Variants in MYO5C observed in about 807,000 individuals in gnomAD.
MYO5C encodes the protein unconventional myosin-Vc.
A neutral mutation model predicts 235.7 loss-of-function variants in MYO5C; 194 were observed. That is an observed-to-expected ratio of 0.82 (90% CI 0.73 to 0.93). The LOEUF (loss-of-function observed/expected upper bound fraction) is 0.93, where lower values mean the gene tolerates loss of function less well. Among genes scored for constraint, MYO5C ranks in the 40% least tolerant of loss-of-function variants. The probability of loss-of-function intolerance (pLI) is 0.00; values close to 1 mark genes in which losing one functional copy is unlikely to be tolerated. For synonymous variants in MYO5C, 707 were observed against 754.8 expected (o/e 0.94, Z 1.04); for missense variants, 2,038 against 2,127.2 (o/e 0.96, Z 0.82).
chr15:52,193,962 A>G lies in MYO5C; in HGVS notation c.5169T>C (p.His1723=), dbSNP rs2141250775. The stretch of plus-strand genomic sequence containing the variant: ...TGGGGATCTGAATCATTTCCAGAGC[A>G]TGTGGAGAGGGGGTAAAAGGAAATG... ...QVTFPFTPSP[H]ALEMIQIPSS... Residue 1723 remains histidine, a synonymous_variant, in exon 41 of 41, where the codon CAT becomes CAC. Transcript: ENST00000261839. 6.2e-7 allele frequency: 1 copy of G among 1,613,908 alleles called. No individual in the cohort carries two copies. Among genetic ancestry groups the G allele is most frequent in the South Asian group, 1.1e-5 (1 of 90,974 alleles).
intron 3 of MYO5C, 86 bp from the exon 4 acceptor site, chr15:52,279,103 G>C (rs1323327927): frequency 1.4e-6 from 2 of 1,396,422 alleles, no homozygotes; most frequent in Non-Finnish European, 2.0e-6. Context: ...CCCCAGCTCT[G>C]TCGCTTATTA....
At chr15:52,220,487 G>A (rs551180890) in intron 30 of MYO5C, among the ~76,000 whole-genome samples, 2 of 152,092 alleles carry the variant, frequency 1.3e-5, no homozygotes, top group South Asian at 4.2e-4. Context: ...CACATAGCTG[G>A]GACTACAGGC....
chr15:52,287,698 C>G lies in MYO5C; in HGVS notation c.28-4806G>C, dbSNP rs138382500. ...GCCTACTTCAAAAGGAAGTTCTGGC[C>G]AGGCGCGGTGGCTCACGTGTGTAAT... On this transcript the variant is annotated intron_variant, in intron 1 of 40. Transcript: ENST00000261839. Among the ~76,000 whole-genome samples, 311 of 152,294 alleles carry G rather than the reference C, an allele frequency of 2.0e-3. 2 individuals are homozygous for G. Among genetic ancestry groups the G allele is most frequent in the Non-Finnish European group, 3.1e-3 (211 of 68,024 alleles).
Position 52,245,398 on chromosome 15 carries a change from C to G in MYO5C, c.2134G>C (p.Asp712His). Residue 712 changes from aspartate to histidine, a missense_variant, in exon 18 of 41, where the codon GAT becomes CAT. Physicochemically the swap from Asp to His is moderately conservative, Grantham distance 81 (BLOSUM62 -1). Coordinates refer to ENST00000261839, the MANE Select transcript of MYO5C (RefSeq NM_018728.4). ...LMTKQELSFS[D>H]KKEVCKVVLH... is the part of the protein sequence containing the mutation. ...ACCACCTTGCACACCTCCTTTTTAT[C>G]GCTGAAGGAAAGCTCTTGCTTGGTC... 1 of 1,614,140 alleles carries G rather than the reference C, an allele frequency of 6.2e-7. No homozygotes were observed. The highest frequency in any genetic ancestry group is 8.5e-7 in the Non-Finnish European group (1 of 1,180,006).
intron 5 of MYO5C, among the ~76,000 whole-genome samples, chr15:52,275,148 A>G (rs185265731): frequency 1.3e-5 from 2 of 152,320 alleles, no homozygotes; most frequent in East Asian, 3.9e-4. Flanking sequence ...AGGTATAAAT[A>G]CTTCTCCCCT....
At chr15:52,271,580 A>T (rs1180154604) in intron 7 of MYO5C, among the ~76,000 whole-genome samples, 183 bp downstream of exon 7, 1 of 149,464 alleles carries the variant, frequency 6.7e-6, no homozygotes, top group African/African-American at 2.5e-5. Flanking sequence ...CTCTCTCTAA[A>T]CTCATCCCCC....
rs765605177 is a variant in MYO5C at position 52,284,456 on chromosome 15, G to A, written c.28-1564C>T. Among the ~76,000 whole-genome samples the A allele has an allele frequency of 6.6e-5, 10 of 152,176 alleles. No individual in the cohort carries two copies. The South Asian group carries it at 1.9e-3, about 28-fold the overall frequency. ...CTCTGAGGGTGGGTGGGGCCAGGGA[G>A]TGACTCCGAAGGTGTATGAGGGGAT... On this transcript the variant is annotated intron_variant, in intron 1 of 40. Transcript: ENST00000261839.
chr15:52,202,928 G>GTT (rs67608739), intron 38 of MYO5C, among the ~76,000 whole-genome samples: 89,326 of 145,936 alleles, frequency 0.61, 29,857 homozygotes, highest in Non-Finnish European at 0.76. Flanking sequence ...ATTTTTTTTT[G>GTT]TTTTTTTTTT....
chr15:52,264,113 G>T, intron 9 of MYO5C, 77 bp downstream of exon 9: 1 of 1,140,036 alleles, frequency 8.8e-7, no homozygotes, highest in Non-Finnish European at 1.3e-6. Flanking sequence ...GTGCTAAAAA[G>T]CAAAGGCAGG....
chr15:52,197,043 A>ACC (rs1456743563), intron 38 of MYO5C, among the ~76,000 whole-genome samples: 2 of 152,200 alleles, frequency 1.3e-5, no homozygotes, highest in Non-Finnish European at 1.5e-5. Flanking sequence ...GCTAGTGGGA[A>ACC]CGTAAAATGG....
chr15:52,286,333 C>T lies in MYO5C; in HGVS notation c.28-3441G>A, dbSNP rs1291551756. Among the ~76,000 whole-genome samples the T allele has an allele frequency of 5.6e-4, 84 of 150,116 alleles. 1 individual carries two copies. The highest frequency in any genetic ancestry group is 1.9e-3 in the African/African-American group (79 of 40,952). ...AGGGAGGTGGGGGGGGTCAGCCCCC[C>T]GCCCGGCCAGCCGCCCCGTCCGGGA... On this transcript the variant is annotated intron_variant, in intron 1 of 40. Transcript: ENST00000261839.
At chr15:52,203,390 C>A (rs936326404) in intron 38 of MYO5C, among the ~76,000 whole-genome samples, 1 of 152,162 alleles carries the variant, frequency 6.6e-6, no homozygotes, top group African/African-American at 2.4e-5. Flanking sequence ...CTCTGTCGCC[C>A]AGGTTGGAGT....
chr15:52,290,160 T>A (rs1183777278), intron 1 of MYO5C, among the ~76,000 whole-genome samples: 1 of 152,138 alleles, frequency 6.6e-6, no homozygotes. Flanking sequence ...AGCCTGGTCT[T>A]TGTGCTTGGA....
intron 21 of MYO5C, among the ~76,000 whole-genome samples, chr15:52,238,831 CG>C (rs2036148230): frequency 6.6e-6 from 1 of 150,412 alleles, no homozygotes; most frequent in African/African-American, 2.5e-5. Context: ...TTAGTAGAGA[CG>C]GGGTTTCACC....
chr15:52,258,858 A>C (rs1283357456), intron 10 of MYO5C, among the ~76,000 whole-genome samples: 1 of 152,174 alleles, frequency 6.6e-6, no homozygotes, highest in Admixed American at 6.5e-5. Context: ...TAGCTGAAAA[A>C]TTCAAATTCC....
intron 38 of MYO5C, among the ~76,000 whole-genome samples, chr15:52,202,331 C>T (rs1036574259): frequency 2.0e-5 from 3 of 152,112 alleles, no homozygotes; most frequent in African/African-American, 4.8e-5. Context: ...GAGCCAAGAT[C>T]GTGCCACTGT....
chr15:52,232,711 A>C, intron 23 of MYO5C, 26 bp from the exon 24 acceptor site: 1 of 1,600,006 alleles, frequency 6.2e-7, no homozygotes, highest in Non-Finnish European at 8.6e-7. Context: ...GCTTTTTGAG[A>C]TATGTCTGCC....
At chr15:52,290,709 T>C (rs573660648) in intron 1 of MYO5C, among the ~76,000 whole-genome samples, 1 of 151,116 alleles carries the variant, frequency 6.6e-6, no homozygotes, top group Admixed American at 6.6e-5. Context: ...ACCAGTATCG[T>C]AGATGAAAAA....
At chr15:52,214,555 A>C in intron 33 of MYO5C, 48 bp downstream of exon 33, 1 of 1,317,834 alleles carries the variant, frequency 7.6e-7, no homozygotes, top group Non-Finnish European at 1.1e-6. Flanking sequence ...ACTTGAGCGC[A>C]TGTTAGCCTT....
Sources: allele counts gnomAD v4.1 joint callset (sites outside exome capture counted in the v4.1 genomes callset), GRCh38; gene constraint gnomAD v4.1.1; transcripts MANE v1.5; gene names NCBI Gene and HGNC (gene_info 2026-07-23, HGNC 2026-07-21).